Variants in FGF1 observed in about 807,000 individuals in gnomAD.
FGF1 encodes the protein fibroblast growth factor 1.
A neutral mutation model predicts 13.4 loss-of-function variants in FGF1; 9 were observed. The observed-to-expected ratio is 0.67, with a 90% CI of 0.40 to 1.17. The LOEUF is 1.17. Among genes scored for constraint, FGF1 ranks in the 50% most tolerant of loss-of-function variants. FGF1 has a pLI of 0.01. For synonymous variants in FGF1, 93 were observed against 79.0 expected (o/e 1.18, Z -0.94); for missense variants, 156 against 192.7 (o/e 0.81, Z 1.13).
intron 2 of FGF1, among the ~76,000 whole-genome samples, chr5:142,692,029 G>A (rs1404204236): frequency 6.6e-6 from 1 of 152,124 alleles, no homozygotes; most frequent in Non-Finnish European, 1.5e-5. Flanking sequence ...GTCAATTGAT[G>A]ATTAAAAACC....
chr5:142,671,349 T>C (rs1348893105), intron 1 of FGF1, among the ~76,000 whole-genome samples: 2 of 152,256 alleles, frequency 1.3e-5, no homozygotes, highest in African/African-American at 2.4e-5. Flanking sequence ...TGTATTGTTA[T>C]ATAAAACTGA....
chr5:142,604,569 T>A (rs904921373), intron 2 of FGF1, among the ~76,000 whole-genome samples: 2 of 152,126 alleles, frequency 1.3e-5, no homozygotes, highest in South Asian at 4.2e-4. Context: ...TGTTTCCTTA[T>A]CTATAGTGGG....
At chr5:142,665,218 T>C (rs1770061050) in intron 1 of FGF1, among the ~76,000 whole-genome samples, 1 of 151,996 alleles carries the variant, frequency 6.6e-6, no homozygotes, top group Non-Finnish European at 1.5e-5. Context: ...AGAAAAATAT[T>C]CCTGAGATAC....
chr5:142,606,754 G>A (rs1757785419), intron 2 of FGF1, among the ~76,000 whole-genome samples: 1 of 152,190 alleles, frequency 6.6e-6, no homozygotes, highest in Non-Finnish European at 1.5e-5. Flanking sequence ...GAGGAACTAA[G>A]ACTGGGAGAG....
At chr5:142,652,013 C>T (rs1242074700) in intron 1 of FGF1, among the ~76,000 whole-genome samples, 1 of 152,180 alleles carries the variant, frequency 6.6e-6, no homozygotes, top group African/African-American at 2.4e-5. Context: ...ATGCCTCTTT[C>T]TGCACTGCCT....
rs563777989 is a variant in FGF1 at position 142,623,799 on chromosome 5, A to C, written c.-34-9638T>G. ...TGCTCTGTCACCCAGGCTGGAGTGC[A>C]GAGTGCAGTGTACACTCATGCTCAC... On this transcript the variant is annotated intron_variant, in intron 1 of 3. Coordinates refer to ENST00000337706, the MANE Select transcript of FGF1 (RefSeq NM_000800.5). Among the ~76,000 whole-genome samples the C allele has an allele frequency of 2.0e-5, 3 of 150,354 alleles. No homozygotes were observed. The East Asian group carries it at 5.9e-4, about 30-fold the overall frequency.
intron 1 of FGF1, among the ~76,000 whole-genome samples, chr5:142,631,062 A>G (rs920915507): frequency 2.0e-5 from 3 of 152,196 alleles, no homozygotes; most frequent in African/African-American, 7.2e-5. Context: ...TGAGTAAATG[A>G]GGGAGGGAGG....
chr5:142,671,455 T>A lies in FGF1; in HGVS notation c.-35+14502A>T, dbSNP rs17223220. On this transcript the variant is annotated intron_variant, in intron 1 of 3. Coordinates refer to ENST00000337706, the MANE Select transcript of FGF1 (RefSeq NM_000800.5). ...AAGACAGACAATCGTAAAACACAGC[T>A]GCTACATAGAAAGGAAGGCTACATT... Among the ~76,000 whole-genome samples the A allele has an allele frequency of 3.9e-5, 6 of 152,348 alleles. No individual in the cohort carries two copies. In the East Asian group the frequency reaches 9.6e-4, roughly 24 times the overall value.
intron 2 of FGF1, among the ~76,000 whole-genome samples, chr5:142,603,170 C>T (rs1305510278): frequency 6.6e-6 from 1 of 152,212 alleles, no homozygotes; most frequent in Non-Finnish European, 1.5e-5. Flanking sequence ...TTCAGTCACA[C>T]CACTTGCTCG....
At chr5:142,694,567 G>T (rs1916998) in intron 2 of FGF1, among the ~76,000 whole-genome samples, 64,350 of 151,994 alleles carry the variant, frequency 0.42, 18,089 homozygotes, top group African/African-American at 0.81. Context: ...AGATTTTGGT[G>T]TTCTTTGAGA....
chr5:142,669,168 C>CT (rs1025364634), intron 1 of FGF1, among the ~76,000 whole-genome samples: 1 of 152,186 alleles, frequency 6.6e-6, no homozygotes, highest in Non-Finnish European at 1.5e-5. Flanking sequence ...AGCATTTAGA[C>CT]TTTTTTCTGC....
intron 1 of FGF1, among the ~76,000 whole-genome samples, chr5:142,640,905 C>T (rs1765097958): frequency 6.6e-6 from 1 of 152,026 alleles, no homozygotes; most frequent in Non-Finnish European, 1.5e-5. Flanking sequence ...ATCTTGTGCA[C>T]TCCCTTCCCC....
chr5:142,614,556 A>G (rs983723938), intron 1 of FGF1, among the ~76,000 whole-genome samples: 2 of 152,176 alleles, frequency 1.3e-5, no homozygotes, highest in African/African-American at 4.8e-5. Flanking sequence ...AACCCACAAA[A>G]GCTGAGAGGC....
At chr5:142,663,247 A>AAT (rs1253277112) in intron 1 of FGF1, among the ~76,000 whole-genome samples, 1 of 138,126 alleles carries the variant, frequency 7.2e-6, no homozygotes, top group African/African-American at 2.9e-5. Context: ...TTAATCAGGA[A>AAT]AGAAAAAAAA....
chr5:142,637,609 A>G (rs972184562), intron 1 of FGF1, among the ~76,000 whole-genome samples: 2 of 151,994 alleles, frequency 1.3e-5, no homozygotes, highest in African/African-American at 4.8e-5. Context: ...GTGAGCCACC[A>G]TGCCCAGCCA....
At chr5:142,673,849 C>T (rs184280638) in intron 1 of FGF1, among the ~76,000 whole-genome samples, 9 of 152,344 alleles carry the variant, frequency 5.9e-5, no homozygotes, top group South Asian at 2.1e-4. Context: ...ACATCCAACA[C>T]GCCCAGTGAC....
rs1334503706 is a variant in FGF1, at chr5:142,595,241, G to A, written c.*49C>T. 7 of 1,530,580 alleles carry A rather than the reference G, an allele frequency of 4.6e-6. No homozygotes were observed. The highest frequency in any genetic ancestry group is 4.5e-5 in the East Asian group (2 of 44,324). 94.8% of individuals were successfully genotyped at this position (1,530,580 alleles called of 1,614,324 possible). On this transcript the variant is annotated 3_prime_UTR_variant, in exon 4 of 4. Coordinates refer to ENST00000337706, the MANE Select transcript of FGF1 (RefSeq NM_000800.5). ...GAACATTTTTGGGTCAACCAGGTGAGGACCCCTCGAAACTTCTCTGGAGTG... is the reference window on the plus strand; with the variant it reads ...GAACATTTTTGGGTCAACCAGGTGAAGACCCCTCGAAACTTCTCTGGAGTG...
chr5:142,657,705 C>G (rs1436605624), intron 1 of FGF1, among the ~76,000 whole-genome samples: 3 of 152,264 alleles, frequency 2.0e-5, no homozygotes, highest in African/African-American at 7.2e-5. Context: ...AAGACTGGGT[C>G]TCTACCACAT....
At chr5:142,643,169 A>G (rs763894340) in intron 1 of FGF1, among the ~76,000 whole-genome samples, 4 of 152,172 alleles carry the variant, frequency 2.6e-5, no homozygotes, top group Non-Finnish European at 5.9e-5. Context: ...GCAAAATTGA[A>G]TGTTGTGATA....
Sources: allele counts gnomAD v4.1 joint callset (sites outside exome capture counted in the v4.1 genomes callset), GRCh38; gene constraint gnomAD v4.1.1; transcripts MANE v1.5; gene names NCBI Gene and HGNC (gene_info 2026-07-23, HGNC 2026-07-21).